OSBPL10: variants seen among roughly 807,000 people sequenced by gnomAD.
OSBPL10 encodes oxysterol-binding protein-related protein 10.
OSBPL10 carries 49 observed loss-of-function variants against 81.7 expected under a neutral mutation model. That is an observed-to-expected ratio of 0.60 (90% confidence interval 0.48 to 0.76). The LOEUF (loss-of-function observed/expected upper bound fraction) is 0.76. Ranked by LOEUF, OSBPL10 falls within the 30% of genes least tolerant of loss-of-function variation. OSBPL10 has a pLI of 0.00. For missense variants in OSBPL10, 923 were observed against 987.8 expected (o/e 0.93, Z 0.88); for synonymous variants, 419 against 383.6 (o/e 1.09, Z -1.08).
chr3:31,715,670 T>C (rs955191168), intron 6 of OSBPL10, among the ~76,000 whole-genome samples: 1 of 152,210 alleles, frequency 6.6e-6, no homozygotes, highest in Non-Finnish European at 1.5e-5. Context: ...CCAATAGTAA[T>C]AAAATGATTC....
chr3:31,788,302 G>A (rs538946880), intron 4 of OSBPL10, among the ~76,000 whole-genome samples: 1 of 152,302 alleles, frequency 6.6e-6, no homozygotes, highest in East Asian at 1.9e-4. Context: ...TTGCCATAAT[G>A]TCATTTAATA....
intron 1 of OSBPL10, among the ~76,000 whole-genome samples, chr3:31,980,066 G>A (rs1330748463): frequency 1.3e-5 from 2 of 150,922 alleles, no homozygotes; most frequent in Non-Finnish European, 2.9e-5. Flanking sequence ...TTGCAATGGC[G>A]CGATCTCGGC....
chr3:31,761,941 G>A (rs1575527859), intron 4 of OSBPL10, among the ~76,000 whole-genome samples: 1 of 152,164 alleles, frequency 6.6e-6, no homozygotes, highest in East Asian at 1.9e-4. Flanking sequence ...GCAATGAAAG[G>A]GAAAGCAAAG....
At chr3:31,849,710 T>A (rs891135615) in intron 3 of OSBPL10, among the ~76,000 whole-genome samples, 1 of 152,168 alleles carries the variant, frequency 6.6e-6, no homozygotes, top group Non-Finnish European at 1.5e-5. Context: ...CAGATCCATA[T>A]ACATACATAT....
chr3:31,926,876 G>A (rs534204950), intron 1 of OSBPL10, among the ~76,000 whole-genome samples: 2 of 152,316 alleles, frequency 1.3e-5, no homozygotes, highest in East Asian at 3.9e-4. Context: ...TTGAGAGGCT[G>A]AGGCAGGTGG....
At chr3:31,857,786 GGGGGAGAGACAGAAA>G (rs1268172950) in intron 3 of OSBPL10, among the ~76,000 whole-genome samples, 1 of 125,308 alleles carries the variant, frequency 8.0e-6, no homozygotes, top group Non-Finnish European at 1.6e-5. Context: ...AGGGGGGTGG[GGGGGAGAGACAGAAA>G]GGGAGAGAGA....
intron 3 of OSBPL10, among the ~76,000 whole-genome samples, chr3:31,876,059 TTTTA>T (rs1488635977): frequency 1.3e-5 from 2 of 152,192 alleles, no homozygotes; most frequent in African/African-American, 2.4e-5. Context: ...AGGGTCTAGG[TTTTA>T]TTTAAGGATC....
At chr3:31,938,107 C>T (rs970014981) in intron 1 of OSBPL10, among the ~76,000 whole-genome samples, 1 of 152,142 alleles carries the variant, frequency 6.6e-6, no homozygotes, top group Non-Finnish European at 1.5e-5. Context: ...CCTACGAACT[C>T]CTTCCCTGAG....
intron 4 of OSBPL10, among the ~76,000 whole-genome samples, chr3:31,754,958 G>T (rs774260389): frequency 6.6e-6 from 1 of 152,092 alleles, no homozygotes; most frequent in Non-Finnish European, 1.5e-5. Flanking sequence ...TAGGCTGGAA[G>T]TCTCATGTTT....
intron 1 of OSBPL10, among the ~76,000 whole-genome samples, chr3:32,058,312 C>A (rs534135632): frequency 6.6e-6 from 1 of 152,076 alleles, no homozygotes. Flanking sequence ...TTTCTCTGTA[C>A]TATTCTTTGA....
intron 4 of OSBPL10, among the ~76,000 whole-genome samples, chr3:31,776,162 T>C (rs1232635316): frequency 2.0e-5 from 3 of 151,994 alleles, no homozygotes; most frequent in Admixed American, 6.6e-5. Context: ...GGTCTTAAAA[T>C]TGAGATTAAT....
At chr3:31,762,158 C>T (rs375347066) in intron 4 of OSBPL10, among the ~76,000 whole-genome samples, 19 of 152,188 alleles carry the variant, frequency 1.2e-4, no homozygotes, top group East Asian at 1.2e-3. Flanking sequence ...CTAGAAGCCT[C>T]TTCCCACCTT....
chr3:31,736,212 A>T (rs1003516966), intron 5 of OSBPL10, among the ~76,000 whole-genome samples: 7 of 152,162 alleles, frequency 4.6e-5, no homozygotes, highest in African/African-American at 1.7e-4. Context: ...AACAATGTGA[A>T]TGCACACATA....
intron 3 of OSBPL10, among the ~76,000 whole-genome samples, chr3:31,871,584 C>T (rs1464123006): frequency 6.6e-6 from 1 of 152,218 alleles, no homozygotes; most frequent in African/African-American, 2.4e-5. Flanking sequence ...ATAAAAACTA[C>T]AAGAAGCCAG....
At chr3:31,665,830 A>G (rs1053039327) in intron 10 of OSBPL10, among the ~76,000 whole-genome samples, 1 of 151,762 alleles carries the variant, frequency 6.6e-6, no homozygotes, top group Non-Finnish European at 1.5e-5. Flanking sequence ...AGCTGGGGTC[A>G]GGGGGTCCTC....
At chr3:32,031,143 G>A (rs77593117) in intron 2 of OSBPL10, among the ~76,000 whole-genome samples, 148 of 150,880 alleles carry the variant, frequency 9.8e-4, no homozygotes, top group African/African-American at 3.4e-3. Context: ...TAGCCTGGGC[G>A]ACCAAGAGAG....
rs573215683 is a variant in OSBPL10 at position 31,753,704 on chromosome 3, G to T, written c.730-5584C>A. On this transcript the variant is annotated intron_variant, in intron 4 of 11. Transcript: ENST00000396556. ...ACCATCAACACTCTGCCCTCTAAAAGTCTTTGAATGCCTTGCCTCAAAATC... is the reference window on the plus strand; with the variant it reads ...ACCATCAACACTCTGCCCTCTAAAATTCTTTGAATGCCTTGCCTCAAAATC... Among the ~76,000 whole-genome samples, 15 of 152,280 alleles carry T rather than the reference G, an allele frequency of 9.9e-5. 1 individual carries two copies. In the South Asian group the frequency reaches 3.1e-3, roughly 32 times the overall value.
intron 8 of OSBPL10, among the ~76,000 whole-genome samples, chr3:31,674,282 A>G (rs770223824): frequency 6.6e-6 from 1 of 152,122 alleles, no homozygotes; most frequent in Non-Finnish European, 1.5e-5. Flanking sequence ...AGGCCTGTGC[A>G]GTGGCTCACT....
At chr3:31,965,609 T>TTATATAAATTATATATTATATAA (rs1698335553) in intron 1 of OSBPL10, among the ~76,000 whole-genome samples, 7 of 77,098 alleles carry the variant, frequency 9.1e-5, no homozygotes, top group Non-Finnish European at 1.5e-4. Flanking sequence ...ATATAATATA[T>TTATATAAATTATATATTATATAA]TATATAAATT....
Sources: gnomAD v4.1 joint callset for allele counts (sites outside exome capture counted in the v4.1 genomes callset) on GRCh38, gnomAD v4.1.1 for gene constraint, MANE v1.5 for transcripts, NCBI Gene and HGNC (gene_info 2026-07-23, HGNC 2026-07-21) for gene names.